The following RELN variants were observed in gnomAD, a reference collection of about 807,000 sequenced individuals.
RELN encodes reelin.
A neutral mutation model predicts 427.6 loss-of-function variants in RELN; 108 were observed. The observed-to-expected ratio is 0.25, with a 90% confidence interval of 0.22 to 0.30. The LOEUF (loss-of-function observed/expected upper bound fraction) is 0.30, where lower values mean the gene tolerates loss of function less well. RELN is among the 10% of genes least tolerant of loss of function. The probability of loss-of-function intolerance (pLI) is 1.00; values close to 1 mark genes in which losing one functional copy is unlikely to be tolerated. For synonymous variants in RELN, 1,524 were observed against 1,513.4 expected, an observed-to-expected ratio of 1.01 and a Z score of -0.16; for missense variants, 3,715 against 4,302.8, an observed-to-expected ratio of 0.86 and a Z score of 3.82.
At chr7:103,912,594 A>G (rs1795394511) in intron 2 of RELN, among the ~76,000 whole-genome samples, 1 of 152,144 alleles carries the variant, frequency 6.6e-6, no homozygotes, top group Admixed American at 6.6e-5. Context: ...AAGTGCTATA[A>G]TGGCTGATGT....
At chr7:103,927,757 T>C (rs554975763) in intron 1 of RELN, among the ~76,000 whole-genome samples, 1 of 152,180 alleles carries the variant, frequency 6.6e-6, no homozygotes, top group Non-Finnish European at 1.5e-5. Context: ...GTGTTTTCAA[T>C]ATAGCTATAA....
chr7:103,798,410 A>G (rs1171554805), intron 3 of RELN, among the ~76,000 whole-genome samples: 1 of 152,166 alleles, frequency 6.6e-6, no homozygotes, highest in South Asian at 2.1e-4. Context: ...CCTACCTGTT[A>G]TCGTTGGGAA....
In RELN at chr7:103,567,777, A is replaced by C. The variant is rs1418158286; in HGVS notation, c.4589-1018T>G. Among the ~76,000 whole-genome samples the C allele has an allele frequency of 6.0e-5, 9 of 149,240 alleles. No individual in the cohort carries two copies. In the Admixed American group the frequency reaches 6.0e-4, roughly 10 times the overall value. ...TCAGTAAAGTTGTTATTTTTACTTT[A>C]TTATATATATATTTTATATATATAT... On this transcript the variant is annotated intron_variant, in intron 31 of 64. Transcript: ENST00000428762.
intron 28 of RELN, among the ~76,000 whole-genome samples, chr7:103,587,612 T>C (rs1207142683): frequency 6.6e-6 from 1 of 152,040 alleles, no homozygotes; most frequent in Non-Finnish European, 1.5e-5. Flanking sequence ...GGAAAAATAT[T>C]TGCAACTTTT....
chr7:103,773,556 G>A (rs140920360), intron 4 of RELN, among the ~76,000 whole-genome samples: 5,871 of 150,818 alleles, frequency 0.039, 154 homozygotes, highest in African/African-American at 0.076. Context: ...TGCAACCTCC[G>A]CCTCCCAGGT....
chr7:103,807,581 G>A (rs1390165210), intron 3 of RELN, among the ~76,000 whole-genome samples: 3 of 152,040 alleles, frequency 2.0e-5, no homozygotes, highest in Admixed American at 6.6e-5. Flanking sequence ...GCATAGTCCC[G>A]ATAGGTAGCC....
intron 28 of RELN, among the ~76,000 whole-genome samples, chr7:103,582,602 T>A (rs1250155935): frequency 3.0e-4 from 45 of 152,152 alleles, no homozygotes; most frequent in Non-Finnish European, 1.2e-4. Flanking sequence ...TCCTTCCCTA[T>A]CCAGGAAGTT....
rs1468173536 is a variant in RELN, at chr7:103,743,136, C to A, written c.656+6290G>T. ...CATTCTTAAAGAAAAGAATTTTCAA[C>A]CCAGAATTTCATATCCAGCCAAACT... On this transcript the variant is annotated intron_variant, in intron 6 of 64. Coordinates refer to ENST00000428762, the MANE Select transcript of RELN (RefSeq NM_005045.4). 2.6e-5 allele frequency among the ~76,000 whole-genome samples: 4 copies of A among 151,658 alleles called. 1 individual carries two copies. The highest frequency in any genetic ancestry group is 2.6e-4 in the Admixed American group (4 of 15,274).
At chr7:103,650,175 AC>A in intron 16 of RELN, 98 bp downstream of exon 16, 1 of 810,546 alleles carries the variant, frequency 1.2e-6, no homozygotes, top group South Asian at 1.4e-5. Flanking sequence ...GAATTGCAAG[AC>A]CATGACTTAG....
chr7:103,911,889 G>T (rs1795375300), intron 2 of RELN, among the ~76,000 whole-genome samples: 1 of 146,776 alleles, frequency 6.8e-6, no homozygotes, highest in Admixed American at 6.8e-5. Context: ...AGCATTGGGA[G>T]ATATACCTAA....
intron 51 of RELN, among the ~76,000 whole-genome samples, chr7:103,509,117 T>C (rs1829312203): frequency 6.6e-6 from 1 of 152,220 alleles, no homozygotes; most frequent in Non-Finnish European, 1.5e-5. Flanking sequence ...CCCATCAAGC[T>C]ACTATTGACT....
chr7:103,542,636 G>T, intron 43 of RELN, 95 bp downstream of exon 43: 2 of 1,346,082 alleles, frequency 1.5e-6, no homozygotes, highest in Non-Finnish European at 2.1e-6. Flanking sequence ...GGAAGGCCTT[G>T]TCCTTGAAAT....
chr7:103,544,806 T>A (rs1324687454), intron 42 of RELN, among the ~76,000 whole-genome samples: 1 of 152,152 alleles, frequency 6.6e-6, no homozygotes, highest in East Asian at 1.9e-4. Flanking sequence ...TGGAAACCCT[T>A]CCATCCAAGA....
At chr7:103,914,699 G>A (rs1039782455) in intron 2 of RELN, among the ~76,000 whole-genome samples, 5 of 151,938 alleles carry the variant, frequency 3.3e-5, no homozygotes, top group African/African-American at 1.2e-4. Context: ...GAGGTTAAAC[G>A]ACTTGGCTGA....
chr7:103,544,972 T>C (rs1302228635), intron 42 of RELN, 152 bp downstream of exon 42: 3 of 705,480 alleles, frequency 4.3e-6, no homozygotes, highest in Admixed American at 4.3e-5. Context: ...TGGAACCCTA[T>C]AAATTCAGAA....
At chr7:103,768,484 C>T (rs1791482387) in intron 4 of RELN, among the ~76,000 whole-genome samples, 1 of 152,190 alleles carries the variant, frequency 6.6e-6, no homozygotes, top group South Asian at 2.1e-4. Context: ...ATGTATTTTA[C>T]AACCAGAAAT....
chr7:103,650,219 GCACAGGAAGA>G, intron 16 of RELN, 45 bp downstream of exon 16: 1 of 1,067,438 alleles, frequency 9.4e-7, no homozygotes, highest in South Asian at 1.2e-5. Flanking sequence ...ACGAACAAAA[GCACAGGAAGA>G]CTCTACATCA....
intron 1 of RELN, among the ~76,000 whole-genome samples, chr7:103,961,732 C>G (rs10234631): frequency 0.065 from 9,948 of 152,184 alleles, 1,092 homozygotes; most frequent in African/African-American, 0.23. Context: ...TCACTTAGTT[C>G]TTTTCATGTT....
At chr7:103,765,127 C>T (rs368942357) in intron 4 of RELN, among the ~76,000 whole-genome samples, 1 of 152,136 alleles carries the variant, frequency 6.6e-6, no homozygotes, top group Non-Finnish European at 1.5e-5. Flanking sequence ...CGGGGGTACC[C>T]GAAGTTCAGG....
Sources: allele counts gnomAD v4.1 joint callset (sites outside exome capture counted in the v4.1 genomes callset), GRCh38; gene constraint gnomAD v4.1.1; transcripts MANE v1.5; gene names NCBI Gene and HGNC (gene_info 2026-07-23, HGNC 2026-07-21).